CDK11B: variants seen among roughly 807,000 people sequenced by gnomAD.
The protein encoded by CDK11B is cyclin dependent kinase 11B.
In CDK11B, 37 loss-of-function variants were observed where a neutral mutation model predicts 84.0. That is an observed-to-expected ratio of 0.44 (90% CI 0.34 to 0.58). The LOEUF (loss-of-function observed/expected upper bound fraction) is 0.58. Among genes scored for constraint, CDK11B ranks in the 20% least tolerant of loss-of-function variants. CDK11B has a pLI of 0.02. For synonymous variants in CDK11B, 269 were observed against 309.8 expected (o/e 0.87, Z 1.38); for missense variants, 427 against 834.0 (o/e 0.51, Z 6.01).
intron 4 of CDK11B, 46 bp downstream of exon 4, chr1:1,652,393 A>G: frequency 1.4e-6 from 2 of 1,453,922 alleles, no homozygotes; most frequent in Non-Finnish European, 1.8e-6. Context: ...AACAGGAAAG[A>G]AACCACACTT....
At chr1:1,653,858 ACACAC>A (rs1642363277) in intron 3 of CDK11B, among the ~76,000 whole-genome samples, 1,805 of 150,236 alleles carry the variant, frequency 0.012, 51 homozygotes, top group African/African-American at 0.041. Context: ...ACACACACAC[ACACAC>A]CCGAGCGTGG....
chr1:1,636,813 G>A lies in CDK11B; in HGVS notation c.1801-15C>T, dbSNP rs1174491105. On this transcript the variant is annotated splice_polypyrimidine_tract_variant and intron_variant, in intron 16 of 19. Transcript: ENST00000341832. ...GTGGAGTATTCCTAAGAGGTCAGGA[G>A]AGGTGTTCAGGAGGGCCAGTGCCCG... is the stretch of plus-strand genomic sequence containing the variant. 3.7e-6 allele frequency: 6 copies of A among 1,613,716 alleles called. No individual in the cohort carries two copies. Among genetic ancestry groups the A allele is most frequent in the African/African-American group, 1.3e-5 (1 of 74,922 alleles).
At position 1,651,359 on chromosome 1, in the gene CDK11B, G is replaced by A. The variant is rs1487165544; in HGVS notation, c.355+1080C>T. Among the ~76,000 whole-genome samples, 7 of 152,342 alleles carry A rather than the reference G, an allele frequency of 4.6e-5. No homozygotes were observed. The South Asian group carries it at 1.4e-3, about 32-fold the overall frequency. On this transcript the variant is annotated intron_variant, in intron 4 of 19. Coordinates refer to ENST00000341832, the MANE Select transcript of CDK11B (RefSeq NM_033486.3). The stretch of plus-strand genomic sequence containing the variant: ...TGACACACGCACGCTTTCAGCTAGA[G>A]TTTGCTCTCTCTGGTTTTCGGTCTG...
intron 2 of CDK11B, among the ~76,000 whole-genome samples, chr1:1,656,684 G>A (rs1171310242): frequency 1.3e-5 from 2 of 152,154 alleles, no homozygotes; most frequent in African/African-American, 4.8e-5. Flanking sequence ...CAGCTACTTG[G>A]GAGGCTGAGG....
chr1:1,635,677 G>A lies in CDK11B; in HGVS notation c.*87C>T, dbSNP rs1639182017. On this transcript the variant is annotated 3_prime_UTR_variant, in exon 20 of 20. Transcript: ENST00000341832. Reference sequence around the variant, plus strand: ...CATGGAGCACAAAGTAAGACGAGGAGTTCCGAGTCTCATCGCAGCTCCAGC... The same window carrying A: ...CATGGAGCACAAAGTAAGACGAGGAATTCCGAGTCTCATCGCAGCTCCAGC... 3.7e-6 allele frequency: 1 copy of A among 269,416 alleles called. No homozygotes were observed. Among genetic ancestry groups the A allele is most frequent in the Non-Finnish European group, 6.2e-6 (1 of 161,430 alleles). 16.7% of individuals were successfully genotyped at this position (269,416 alleles called of 1,614,324 possible).
chr1:1,653,823 A>AACAC (rs1642333745), intron 3 of CDK11B, among the ~76,000 whole-genome samples: 1 of 60,274 alleles, frequency 1.7e-5, no homozygotes, highest in Admixed American at 1.8e-4. Context: ...CTCTACTAAA[A>AACAC]ATACACACAC....
chr1:1,654,501 T>G (rs1181468747), intron 3 of CDK11B, among the ~76,000 whole-genome samples: 1 of 152,182 alleles, frequency 6.6e-6, no homozygotes, highest in South Asian at 2.1e-4. Flanking sequence ...CAGGCTGGTC[T>G]TGAACTCCTG....
chr1:1,644,180 GAA>G (rs1215259267), intron 6 of CDK11B, among the ~76,000 whole-genome samples: 2 of 149,994 alleles, frequency 1.3e-5, no homozygotes, highest in Non-Finnish European at 3.0e-5. Context: ...ACAATGGGCT[GAA>G]ATAGTCCAAG....
intron 2 of CDK11B, 36 bp downstream of exon 2, chr1:1,657,339 T>A: frequency 6.2e-7 from 1 of 1,613,520 alleles, no homozygotes; most frequent in Non-Finnish European, 8.5e-7. Flanking sequence ...TTAAATCTCC[T>A]TTAAGAAAAC....
At chr1:1,653,030 A>AT (rs1368780591) in intron 3 of CDK11B, among the ~76,000 whole-genome samples, 7 of 110,516 alleles carry the variant, frequency 6.3e-5, no homozygotes, top group Admixed American at 6.1e-4. Flanking sequence ...GCCTGTATTT[A>AT]TTTTTTTGAG....
intron 4 of CDK11B, among the ~76,000 whole-genome samples, chr1:1,650,688 T>TA (rs1334163227): frequency 8.2e-6 from 1 of 122,550 alleles, no homozygotes; most frequent in Non-Finnish European, 1.9e-5. Flanking sequence ...TTTTTTTTTT[T>TA]AAAGAGACAG....
intron 11 of CDK11B, 87 bp downstream of exon 11, chr1:1,640,190 C>T: frequency 6.7e-7 from 1 of 1,488,260 alleles, no homozygotes; most frequent in Non-Finnish European, 9.0e-7. Context: ...CGACAGACGC[C>T]AACACGGGGG....
chr1:1,653,293 G>A (rs995045392), intron 3 of CDK11B, among the ~76,000 whole-genome samples: 2 of 152,078 alleles, frequency 1.3e-5, no homozygotes, highest in South Asian at 2.1e-4. Flanking sequence ...AAAGTGCTGG[G>A]ATTACAGGTG....
At chr1:1,653,893 C>A (rs4648760) in intron 3 of CDK11B, among the ~76,000 whole-genome samples, 1 of 150,240 alleles carries the variant, frequency 6.7e-6, no homozygotes, top group Admixed American at 6.6e-5. Context: ...CCTGTAATCC[C>A]AGCTACTCAG....
At chr1:1,655,330 G>C in intron 3 of CDK11B, 39 bp downstream of exon 3, 1 of 1,606,794 alleles carries the variant, frequency 6.2e-7, no homozygotes, top group Non-Finnish European at 8.5e-7. Context: ...GGCCAGGGCT[G>C]TGTACAGCTG....
chr1:1,652,705 T>G, intron 3 of CDK11B, 139 bp from the exon 4 acceptor site: 1 of 635,650 alleles, frequency 1.6e-6, no homozygotes, highest in Non-Finnish European at 2.5e-6. Flanking sequence ...AAAATTACAT[T>G]AATTCTCCAA....
chr1:1,638,069 G>A lies in CDK11B; in HGVS notation c.1343-186C>T, dbSNP rs537794680. Among the ~76,000 whole-genome samples the A allele has an allele frequency of 7.2e-5, 11 of 152,306 alleles. No individual in the cohort carries two copies. The East Asian group carries it at 1.7e-3, about 24-fold the overall frequency. On this transcript the variant is annotated intron_variant, in intron 12 of 19. Coordinates refer to ENST00000341832, the MANE Select transcript of CDK11B (RefSeq NM_033486.3). ...CAGCTGAGGTCTGGGCAACACCCAC[G>A]GCTTCCCACTCAACACACCACAGAC...
intron 3 of CDK11B, among the ~76,000 whole-genome samples, chr1:1,655,148 A>C (rs1642572786): frequency 6.6e-6 from 1 of 152,176 alleles, no homozygotes; most frequent in Admixed American, 6.6e-5. Context: ...AGTTCTTTAC[A>C]GAAAGAAGGG....
chr1:1,655,476 G>A lies in CDK11B; in HGVS notation c.120C>T (p.Asp40=), dbSNP rs1642621807. ...CAAGGGAATCCCGCTTGGAATCCCG[G>A]TCATCAGACTAAGAAGCAAAGAGAA... is the stretch of plus-strand genomic sequence containing the variant. The part of the protein sequence containing the change: ...AEIKRLKNSD[D]RDSKRDSLEE... Residue 40 remains aspartate (D), a synonymous_variant, in exon 3 of 20, where the codon GAC becomes GAT. Coordinates refer to ENST00000341832, the MANE Select transcript of CDK11B (RefSeq NM_033486.3). The A allele has an allele frequency of 1.2e-6, 2 of 1,609,256 alleles. No individual in the cohort carries two copies. Among genetic ancestry groups the A allele is most frequent in the South Asian group, 1.1e-5 (1 of 90,714 alleles).
Sources: gnomAD v4.1 joint callset for allele counts (sites outside exome capture counted in the v4.1 genomes callset) on GRCh38, gnomAD v4.1.1 for gene constraint, MANE v1.5 for transcripts, NCBI Gene and HGNC (gene_info 2026-07-23, HGNC 2026-07-21) for gene names.